Variants in ABCG8 observed in about 807,000 individuals in gnomAD.
ABCG8 encodes the protein ATP binding cassette subfamily G member 8.
Under a neutral mutation model 71.3 loss-of-function variants are expected in ABCG8, and 81 were observed. That is an observed-to-expected ratio of 1.14 (90% CI 0.95 to 1.37). ABCG8 has a LOEUF of 1.37. Ranked by LOEUF, ABCG8 falls within the 40% of genes most tolerant of loss-of-function variation. The pLI is 0.00. For missense variants in ABCG8, 1,119 were observed against 866.2 expected (o/e 1.29, Z -3.66); for synonymous variants, 451 against 354.7 (o/e 1.27, Z -3.05).
Position 43,882,812 on chromosome 2 carries a change from G to C in ABCG8, c.*4899G>C, listed in dbSNP as rs949933864. On this transcript the variant is annotated 3_prime_UTR_variant, in exon 13 of 13. Coordinates refer to ENST00000272286, the MANE Select transcript of ABCG8 (RefSeq NM_022437.3). ...ATAATTAAAACAACGTTTAAGCAGT[G>C]GGTTGAGATTTTTAAACACAAACCA... 1 of 152,158 alleles carries C rather than the reference G, an allele frequency of 6.6e-6. No homozygotes were observed. Among genetic ancestry groups the C allele is most frequent in the Non-Finnish European group, 1.5e-5 (1 of 68,038 alleles). The allele number at this position is 152,158 out of a possible 1,614,324, so 9.4% of individuals were successfully genotyped here.
chr2:43,869,774 A>G (rs1184791772), intron 6 of ABCG8, among the ~76,000 whole-genome samples: 1 of 151,784 alleles, frequency 6.6e-6, no homozygotes, highest in Non-Finnish European at 1.5e-5. Flanking sequence ...TAGAATTCTT[A>G]CCATCTGGAG....
intron 1 of ABCG8, among the ~76,000 whole-genome samples, chr2:43,840,711 G>A (rs540448014): frequency 1.8e-4 from 27 of 152,160 alleles, no homozygotes; most frequent in African/African-American, 6.3e-4. Flanking sequence ...AGGCAACTTG[G>A]CTAGAATGCG....
intron 6 of ABCG8, among the ~76,000 whole-genome samples, chr2:43,856,158 C>T (rs1486416201): frequency 6.6e-6 from 1 of 152,114 alleles, no homozygotes; most frequent in African/African-American, 2.4e-5. Context: ...AGAGTTCTCA[C>T]TTTCTGGATA....
At chr2:43,840,261 C>T (rs563507975) in intron 1 of ABCG8, among the ~76,000 whole-genome samples, 3 of 152,220 alleles carry the variant, frequency 2.0e-5, no homozygotes, top group Non-Finnish European at 2.9e-5. Flanking sequence ...CATTTCTAGT[C>T]AGTTCTGCAA....
intron 3 of ABCG8, chr2:43,847,112 C>G (rs183340771): frequency 8.5e-5 from 13 of 152,542 alleles, no homozygotes; most frequent in African/African-American, 3.1e-4. Flanking sequence ...AGAGCTAGAA[C>G]TAGAACTTTG....
chr2:43,851,680 C>T lies in ABCG8; in HGVS notation c.419C>T (p.Ser140Leu), dbSNP rs781180097. 71 of 1,614,148 alleles carry T rather than the reference C, an allele frequency of 4.4e-5. No individual in the cohort carries two copies. The highest frequency in any genetic ancestry group is 1.6e-4 in the Middle Eastern group (1 of 6,084). The change falls in exon 4 of 13, where the codon TCG (serine) becomes TTG (leucine). Residue 140 changes from serine to leucine, a missense_variant. Transcript: ENST00000272286. ...ATCTGGATCAATGGGCAGCCCAGCT[C>T]GCCTCAGCTGGTGAGGAAGTGTGTG... ...GQIWINGQPSSPQLVRKCVAH... is the reference protein window; with the variant it reads ...GQIWINGQPSLPQLVRKCVAH...
rs182440594 is a variant in ABCG8 at position 43,875,429 on chromosome 2, G to A, written c.1756+16G>A. 167 of 1,609,450 alleles carry A rather than the reference G, an allele frequency of 1.0e-4. 1 individual carries two copies. In the East Asian group the frequency reaches 2.4e-3, roughly 23 times the overall value. ...CTGTGGACAGGTAAGGCCTGCCCCC[G>A]GGGCCTGGGCCAGCTTTGTTAGGAC... On this transcript the variant is annotated intron_variant, in intron 11 of 12. Transcript: ENST00000272286.
chr2:43,876,987 G>C (rs1669980853), intron 11 of ABCG8, among the ~76,000 whole-genome samples: 1 of 151,320 alleles, frequency 6.6e-6, no homozygotes, highest in Non-Finnish European at 1.5e-5. Context: ...GGGAGACCAT[G>C]AGAATATAGG....
At chr2:43,842,599 TG>T (rs1271860368) in intron 1 of ABCG8, among the ~76,000 whole-genome samples, 1 of 152,040 alleles carries the variant, frequency 6.6e-6, no homozygotes, top group Non-Finnish European at 1.5e-5. Flanking sequence ...TCTCTCAATT[TG>T]ACAACATATT....
chr2:43,851,886 C>T (rs1413427094), intron 4 of ABCG8, 64 bp downstream of exon 4: 2 of 1,554,176 alleles, frequency 1.3e-6, no homozygotes, highest in Admixed American at 1.7e-5. Context: ...TGCCCCGCTC[C>T]TCCCCTGCTG....
chr2:43,842,563 C>A (rs4148205), intron 1 of ABCG8, among the ~76,000 whole-genome samples: 54,158 of 151,618 alleles, frequency 0.36, 11,041 homozygotes, highest in East Asian at 0.84. Context: ...GGGAATGGAA[C>A]TCTGGAGTTC....
chr2:43,864,336 C>T (rs552747177), intron 6 of ABCG8, among the ~76,000 whole-genome samples: 1 of 151,800 alleles, frequency 6.6e-6, no homozygotes, highest in African/African-American at 2.4e-5. Flanking sequence ...ATAGAATTTT[C>T]ACTCTCTGGA....
intron 8 of ABCG8, 113 bp downstream of exon 8, chr2:43,872,419 A>C: frequency 7.8e-7 from 1 of 1,290,104 alleles, no homozygotes; most frequent in Non-Finnish European, 1.1e-6. Flanking sequence ...AGGTAGAGTC[A>C]TTTGAAAAAA....
chr2:43,870,715 ATCTG>A (rs1350008291), intron 6 of ABCG8, among the ~76,000 whole-genome samples: 5 of 151,384 alleles, frequency 3.3e-5, no homozygotes, highest in Non-Finnish European at 7.4e-5. Flanking sequence ...AACTCTCACT[ATCTG>A]TCTGGAAAGA....
rs770637125 is a variant in ABCG8, at chr2:43,852,428, G to A, written c.636G>A (p.Gly212=). The A allele has an allele frequency of 3.7e-6, 6 of 1,612,734 alleles. No homozygotes were observed. Among genetic ancestry groups the A allele is most frequent in the Non-Finnish European group, 4.2e-6 (5 of 1,180,018 alleles). ...DTRVGNMYVR[G]LSGGERRRVS... The stretch of plus-strand genomic sequence containing the variant: ...GCGTGGGCAACATGTACGTGCGGGG[G>A]TTGTCGGGGGGTGAGCGCAGGAGAG... Residue 212 remains glycine (G), a synonymous_variant, in exon 5 of 13, where the codon GGG becomes GGA. Coordinates refer to ENST00000272286, the MANE Select transcript of ABCG8 (RefSeq NM_022437.3).
Position 43,874,483 on chromosome 2 carries a change from G to C in ABCG8, c.1488G>C (p.Lys496Asn). 1.2e-6 allele frequency: 2 copies of C among 1,610,274 alleles called. No individual in the cohort carries two copies. The highest frequency in any genetic ancestry group is 1.7e-6 in the Non-Finnish European group (2 of 1,178,762). ...LYTTGPYFFA[K>N]ILGELPEHCA... ...CCACTGGTCCATATTTCTTTGCCAA[G>C]GTGACTGGGCAGGGTTGAGAGCAAG... The change falls in exon 10 of 13, where the codon AAG becomes AAC. Residue 496 changes from lysine (K) to asparagine (N), a missense_variant and splice_region_variant. By Grantham distance (94) the Lys-to-Asn change is moderately conservative. Coordinates refer to ENST00000272286, the MANE Select transcript of ABCG8 (RefSeq NM_022437.3).
chr2:43,877,957 C>A lies in ABCG8; in HGVS notation c.*44C>A. The A allele has an allele frequency of 6.2e-7, 1 of 1,613,614 alleles. No individual in the cohort carries two copies. Among genetic ancestry groups the A allele is most frequent in the Non-Finnish European group, 8.5e-7 (1 of 1,179,882 alleles). ...CCGCTGGTGGGGGACCTGAGCAGAC[C>A]CTTCAACTGCACTCCCTCCTCAGGA... On this transcript the variant is annotated 3_prime_UTR_variant, in exon 13 of 13. Coordinates refer to ENST00000272286, the MANE Select transcript of ABCG8 (RefSeq NM_022437.3).
Position 43,872,059 on chromosome 2 carries a change from C to G in ABCG8, c.1048C>G (p.Leu350Val), listed in dbSNP as rs553899742. The G allele has an allele frequency of 2.5e-6, 4 of 1,614,064 alleles. No homozygotes were observed. The highest frequency in any genetic ancestry group is 1.3e-5 in the African/African-American group (1 of 75,030). ...EKAQSLAALF[L>V]EKVRDLDDFL... is the part of the protein sequence containing the mutation. ...GGCTCAGTCACTCGCAGCCCTGTTT[C>G]TAGAAAAAGTGCGTGACTTAGATGA... Residue 350 changes from leucine to valine, a missense_variant, in exon 7 of 13, where the codon CTA becomes GTA. Leu to Val is a conservative substitution (Grantham distance 32). Coordinates refer to ENST00000272286, the MANE Select transcript of ABCG8 (RefSeq NM_022437.3).
At position 43,839,068 on chromosome 2, in the gene ABCG8, G is replaced by A. The variant is rs200951677; in HGVS notation, c.15G>A (p.Ala5=). The part of the protein sequence containing the change: MAGK[A]AEERGLPKGA... ...CTGTGGGCCCCATGGCCGGGAAGGCGGCAGAGGAGAGAGGGCTGCCGAAAG... is the reference window on the plus strand; with the variant it reads ...CTGTGGGCCCCATGGCCGGGAAGGCAGCAGAGGAGAGAGGGCTGCCGAAAG... Residue 5 remains alanine, a synonymous_variant, in exon 1 of 13, where the codon GCG becomes GCA. Transcript: ENST00000272286. 1.9e-5 allele frequency: 29 copies of A among 1,551,100 alleles called. No homozygotes were observed. In the East Asian group the frequency reaches 2.0e-4, roughly 10 times the overall value.
Sources: gnomAD v4.1 joint callset for allele counts (sites outside exome capture counted in the v4.1 genomes callset) on GRCh38, gnomAD v4.1.1 for gene constraint, MANE v1.5 for transcripts, NCBI Gene and HGNC (gene_info 2026-07-23, HGNC 2026-07-21) for gene names.